The following NKD2 variants were observed in gnomAD, a reference collection of about 807,000 sequenced individuals.
The protein encoded by NKD2 is protein naked cuticle homolog 2.
In NKD2, 43 loss-of-function variants were observed where a neutral mutation model predicts 34.8. The ratio of observed to expected loss-of-function variants is 1.24; its 90% CI spans 0.97 to 1.60. The LOEUF (loss-of-function observed/expected upper bound fraction) is 1.60, where lower values mean the gene tolerates loss of function less well. Ranked by LOEUF, NKD2 falls within the 40% of genes most tolerant of loss-of-function variation. The probability of loss-of-function intolerance (pLI) is 0.00; values close to 1 mark genes in which losing one functional copy is unlikely to be tolerated. For missense variants in NKD2, 675 were observed against 627.1 expected (o/e 1.08, Z -0.82); for synonymous variants, 278 against 265.1 (o/e 1.05, Z -0.47).
Position 1,036,394 on chromosome 5 carries a change from G to A in NKD2, c.787+10G>A. The A allele has an allele frequency of 6.2e-7, 1 of 1,609,878 alleles. No homozygotes were observed. The highest frequency in any genetic ancestry group is 8.5e-7 in the Non-Finnish European group (1 of 1,178,186). On this transcript the variant is annotated intron_variant, in intron 9 of 9. Coordinates refer to ENST00000296849, the MANE Select transcript of NKD2 (RefSeq NM_033120.4). The stretch of plus-strand genomic sequence containing the variant: ...TCCAGATTCGGCCCTGGTAGGTCCT[G>A]GAGGCCACCCTGGGCGTGAGGCCCT...
intron 3 of NKD2, among the ~76,000 whole-genome samples, chr5:1,022,724 T>G (rs1484477831): frequency 1.5e-4 from 1 of 6,462 alleles, no homozygotes; most frequent in African/African-American, 1.6e-4. Context: ...GTCCCAGCCC[T>G]TTGTCCCTGC....
intron 9 of NKD2, 23 bp downstream of exon 9, chr5:1,036,407 G>A (rs1221280258): frequency 7.5e-6 from 12 of 1,601,606 alleles, no homozygotes; most frequent in Non-Finnish European, 7.7e-6. Context: ...GGCCACCCTG[G>A]GCGTGAGGCC....
intron 3 of NKD2, among the ~76,000 whole-genome samples, chr5:1,017,132 C>T (rs1311770310): frequency 6.6e-6 from 1 of 152,236 alleles, no homozygotes; most frequent in Non-Finnish European, 1.5e-5. Context: ...CCAGGACGTG[C>T]CTGGACATGG....
At position 1,038,601 on chromosome 5, in the gene NKD2, C is replaced by T. The variant is rs538038930; in HGVS notation, c.*228C>T. ...CTCTTCTGCCCTCGATGCCACATGGCGGTGAACACATCTGAAGCCACTATG... is the reference window on the plus strand; with the variant it reads ...CTCTTCTGCCCTCGATGCCACATGGTGGTGAACACATCTGAAGCCACTATG... On this transcript the variant is annotated 3_prime_UTR_variant, in exon 10 of 10. Transcript: ENST00000296849. This position sits in a 1 kb window ranked among gnomAD's most constrained non-coding sequence, Gnocchi z 4.5. 38 of 829,100 alleles carry T rather than the reference C, an allele frequency of 4.6e-5. No individual in the cohort carries two copies. The Middle Eastern group carries it at 6.6e-4, about 14-fold the overall frequency. The allele number at this position is 829,100 out of a possible 1,614,324, so 51.4% of individuals were successfully genotyped here. A position where few individuals can be genotyped will look rare whatever the true frequency, so the allele number is the denominator to read the frequency against.
chr5:1,020,019 G>A (rs1219559789), intron 3 of NKD2, among the ~76,000 whole-genome samples: 6 of 152,228 alleles, frequency 3.9e-5, no homozygotes, highest in Middle Eastern at 3.4e-3. Context: ...TGTGTTCTGC[G>A]CTCTGGATGG....
chr5:1,010,708 C>T (rs1384220634), intron 3 of NKD2, among the ~76,000 whole-genome samples: 1 of 152,216 alleles, frequency 6.6e-6, no homozygotes, highest in Non-Finnish European at 1.5e-5. Flanking sequence ...GCTCTCTCTG[C>T]CAGTTACATT....
chr5:1,013,785 CG>C (rs2150726390), intron 3 of NKD2, among the ~76,000 whole-genome samples: 1 of 152,256 alleles, frequency 6.6e-6, no homozygotes, highest in Admixed American at 6.5e-5. Flanking sequence ...TGGTGGAGGC[CG>C]GAGGCTGGCC....
intron 3 of NKD2, among the ~76,000 whole-genome samples, chr5:1,016,119 C>T (rs549729429): frequency 1.3e-5 from 2 of 152,358 alleles, no homozygotes; most frequent in South Asian, 2.1e-4. Flanking sequence ...CCGGACACTT[C>T]CCCAGCGTGG....
chr5:1,028,138 C>G (rs7729755), intron 3 of NKD2, among the ~76,000 whole-genome samples: 1 of 141,126 alleles, frequency 7.1e-6, no homozygotes, highest in Admixed American at 6.8e-5. Flanking sequence ...GGGACCAGGA[C>G]GGGGGCTGGG....
chr5:1,014,717 A>G (rs549654043), intron 3 of NKD2, among the ~76,000 whole-genome samples: 1 of 152,272 alleles, frequency 6.6e-6, no homozygotes, highest in African/African-American at 2.4e-5. Context: ...TCTATTTCTC[A>G]GGAAGCCAGG....
At position 1,009,647 on chromosome 5, in the gene NKD2, G is replaced by A. The variant is rs759939805; in HGVS notation, c.141+87G>A. ...TCAGAGCTGTTCCTGGTGCCCGCCC[G>A]CGGACAGGCGAGACGTGGGCCGCCA... On this transcript the variant is annotated intron_variant, in intron 3 of 9. Coordinates refer to ENST00000296849, the MANE Select transcript of NKD2 (RefSeq NM_033120.4). This position sits in a 1 kb window ranked among gnomAD's most constrained non-coding sequence, Gnocchi z 6.9. 64 of 1,136,932 alleles carry A rather than the reference G, an allele frequency of 5.6e-5. No homozygotes were observed. The highest frequency in any genetic ancestry group is 3.1e-4 in the Middle Eastern group (1 of 3,242). The allele number at this position is 1,136,932 out of a possible 1,614,324, so 70.4% of individuals were successfully genotyped here. A position where few individuals can be genotyped will look rare whatever the true frequency, so the allele number is the denominator to read the frequency against.
rs1264687608 is a variant in NKD2, at chr5:1,032,181, G to T, written c.171G>T (p.Gly57=). 1 of 1,610,176 alleles carries T rather than the reference G, an allele frequency of 6.2e-7. No homozygotes were observed. The highest frequency in any genetic ancestry group is 2.2e-5 in the East Asian group (1 of 44,720). ...QELPNGDPKE[G]PFREDQCPLQ... is the part of the protein sequence containing the mutation. ...TGCCCAATGGGGACCCCAAGGAGGG[G>T]CCTTTCCGGGAGGACCAGTGTCCCC... Residue 57 remains glycine (G), a synonymous_variant, in exon 4 of 10, where the codon GGG becomes GGT. Coordinates refer to ENST00000296849, the MANE Select transcript of NKD2 (RefSeq NM_033120.4).
rs373870625 is a variant in NKD2 at position 1,027,079 on chromosome 5, C to G, written c.142-5073C>G. On this transcript the variant is annotated intron_variant, in intron 3 of 9. Transcript: ENST00000296849. ...GGGCCAGGCTGTCACCCCGGCCCTT[C>G]TTTCCAGCTCCTGGGGGCCCCCTGG... Among the ~76,000 whole-genome samples the G allele has an allele frequency of 7.9e-5, 12 of 152,396 alleles. 2 individuals carry two copies. Among genetic ancestry groups the G allele is most frequent in the Middle Eastern group, 6.8e-3 (2 of 294 alleles).
intron 9 of NKD2, 27 bp from the exon 10 acceptor site, chr5:1,037,778 G>A: frequency 1.9e-6 from 3 of 1,563,316 alleles, no homozygotes; most frequent in Non-Finnish European, 2.6e-6. Context: ...CACTCCCAGG[G>A]CCTCACACTC....
Position 1,027,498 on chromosome 5 carries a change from G to A in NKD2, c.142-4654G>A, listed in dbSNP as rs561111786. ...CTCTCTGTCTCTCTCCTCCCTCCCCGCTCCCTCTCCTCTGCCTCGGCTCCC... is the reference window on the plus strand; with the variant it reads ...CTCTCTGTCTCTCTCCTCCCTCCCCACTCCCTCTCCTCTGCCTCGGCTCCC... On this transcript the variant is annotated intron_variant, in intron 3 of 9. Transcript: ENST00000296849. 2.6e-5 allele frequency among the ~76,000 whole-genome samples: 4 copies of A among 152,218 alleles called. No individual in the cohort carries two copies. The South Asian group carries it at 8.3e-4, about 32-fold the overall frequency.
intron 3 of NKD2, among the ~76,000 whole-genome samples, chr5:1,012,611 C>T (rs940854704): frequency 6.6e-6 from 1 of 152,250 alleles, no homozygotes; most frequent in African/African-American, 2.4e-5. Context: ...CTCTGGCTTC[C>T]AGCAGCAAAC....
intron 3 of NKD2, among the ~76,000 whole-genome samples, chr5:1,011,566 G>C (rs1343245124): frequency 1.3e-5 from 2 of 152,184 alleles, no homozygotes; most frequent in African/African-American, 4.8e-5. Context: ...GCCAGCGAGG[G>C]GACTCACTCC....
At position 1,032,220 on chromosome 5, in the gene NKD2, C is replaced by T; in HGVS notation, c.202+8C>T. ...ACCAGTGTCCCCTACAGGGTGAGTG[C>T]AGCTCCCGCAGCCCTCCCTCCCCAA... On this transcript the variant is annotated splice_region_variant and intron_variant, in intron 4 of 9. Coordinates refer to ENST00000296849, the MANE Select transcript of NKD2 (RefSeq NM_033120.4). The T allele has an allele frequency of 1.2e-6, 2 of 1,601,410 alleles. No homozygotes were observed. Among genetic ancestry groups the T allele is most frequent in the Non-Finnish European group, 1.7e-6 (2 of 1,171,810 alleles).
intron 3 of NKD2, among the ~76,000 whole-genome samples, chr5:1,017,213 G>A (rs1334107565): frequency 6.6e-6 from 1 of 152,146 alleles, no homozygotes; most frequent in African/African-American, 2.4e-5. Flanking sequence ...TCTGTGGCTG[G>A]CGTCTGGGCC....
Sources: allele counts gnomAD v4.1 joint callset (sites outside exome capture counted in the v4.1 genomes callset), GRCh38; gene constraint gnomAD v4.1.1; non-coding constraint Gnocchi (gnomAD v3.1); transcripts MANE v1.5; gene names NCBI Gene and HGNC (gene_info 2026-07-23, HGNC 2026-07-21).